EFNA5: variants seen among roughly 807,000 people sequenced by gnomAD.
The protein encoded by EFNA5 is ephrin-A5.
In EFNA5, 5 loss-of-function variants were observed where a neutral mutation model predicts 22.9. The ratio of observed to expected loss-of-function variants is 0.22; its 90% CI spans 0.11 to 0.46. The LOEUF (loss-of-function observed/expected upper bound fraction) is 0.46, where lower values mean the gene tolerates loss of function less well. Ranked by LOEUF, EFNA5 falls within the 20% of genes least tolerant of loss-of-function variation. The pLI is 0.99. For synonymous variants in EFNA5, 113 were observed against 112.2 expected, an observed-to-expected ratio of 1.01 and a Z score of -0.04; for missense variants, 237 against 293.3, an observed-to-expected ratio of 0.81 and a Z score of 1.40.
intron 1 of EFNA5, among the ~76,000 whole-genome samples, chr5:107,569,561 A>ATATT (rs1748744979): frequency 1.0e-4 from 2 of 19,244 alleles, no homozygotes; most frequent in South Asian, 3.6e-3. Context: ...ATATATATTT[A>ATATT]TATATATATA....
chr5:107,558,808 T>TCA (rs1748475710), intron 1 of EFNA5, among the ~76,000 whole-genome samples: 1 of 152,228 alleles, frequency 6.6e-6, no homozygotes, highest in African/African-American at 2.4e-5. Flanking sequence ...CCATATATGT[T>TCA]TAAACATATA....
chr5:107,515,687 T>G (rs1747460628), intron 1 of EFNA5, among the ~76,000 whole-genome samples: 1 of 152,086 alleles, frequency 6.6e-6, no homozygotes, highest in Non-Finnish European at 1.5e-5. Context: ...AGACATGGCT[T>G]TTAAAGTGCT....
chr5:107,421,785 T>C (rs1326874671), intron 2 of EFNA5, among the ~76,000 whole-genome samples: 1 of 141,682 alleles, frequency 7.1e-6, no homozygotes, highest in Non-Finnish European at 1.5e-5. Flanking sequence ...TATCTCCTCA[T>C]TTCTTTCTTT....
At chr5:107,513,029 C>T (rs375101457) in intron 1 of EFNA5, among the ~76,000 whole-genome samples, 10 of 152,150 alleles carry the variant, frequency 6.6e-5, no homozygotes, top group Non-Finnish European at 1.2e-4. Context: ...ACTTACGTAC[C>T]CAGTGGCCAG....
chr5:107,670,560 C>T lies in EFNA5; in HGVS notation c.54G>A (p.Val18=), dbSNP rs1250525138. The T allele has an allele frequency of 6.3e-7, 1 of 1,599,808 alleles. No individual in the cohort carries two copies. The highest frequency in any genetic ancestry group is 8.5e-7 in the Non-Finnish European group (1 of 1,173,368). Reference sequence around the variant, plus strand: ...CCTTGGAGCCCGGGTCCTGGCTGAACACACACATCCAGAGCACCAGAAACA... The same window carrying T: ...CCTTGGAGCCCGGGTCCTGGCTGAATACACACATCCAGAGCACCAGAAACA... ...TLVFLVLWMC[V]FSQDPGSKAV... The change falls in exon 1 of 5, where the codon GTG becomes GTA. Residue 18 remains valine (V), a synonymous_variant. Transcript: ENST00000333274.
At chr5:107,408,577 A>AATT (rs1466448307) in intron 2 of EFNA5, among the ~76,000 whole-genome samples, 1 of 152,186 alleles carries the variant, frequency 6.6e-6, no homozygotes, top group Non-Finnish European at 1.5e-5. Context: ...AACCAACATT[A>AATT]ATTATTTCTT....
chr5:107,670,856 G>T lies in EFNA5; in HGVS notation c.-243C>A. On this transcript the variant is annotated 5_prime_UTR_variant, in exon 1 of 5. Coordinates refer to ENST00000333274, the MANE Select transcript of EFNA5 (RefSeq NM_001962.3). ...AAGACAAACTCGCACCCCCACTGGA[G>T]GGTTCAGGAGGAAAAAGGAATCACA... The T allele has an allele frequency of 2.0e-6, 1 of 505,144 alleles. No individual in the cohort carries two copies. The highest frequency in any genetic ancestry group is 3.5e-6 in the Non-Finnish European group (1 of 286,654). The allele number at this position is 505,144 out of a possible 1,614,324, so 31.3% of individuals were successfully genotyped here. A position where few individuals can be genotyped will look rare whatever the true frequency, so the allele number is the denominator to read the frequency against.
At chr5:107,458,313 T>A (rs753494678) in intron 1 of EFNA5, among the ~76,000 whole-genome samples, 4 of 152,118 alleles carry the variant, frequency 2.6e-5, no homozygotes, top group Non-Finnish European at 4.4e-5. Context: ...GGTACAAGGA[T>A]GAATAGAAAA....
At chr5:107,669,042 G>C (rs1034133455) in intron 1 of EFNA5, among the ~76,000 whole-genome samples, 1 of 152,032 alleles carries the variant, frequency 6.6e-6, no homozygotes, top group Non-Finnish European at 1.5e-5. Context: ...TTGGACTAGC[G>C]GGATAGGGGG....
chr5:107,472,502 C>T (rs1426168938), intron 1 of EFNA5, among the ~76,000 whole-genome samples: 1 of 152,202 alleles, frequency 6.6e-6, no homozygotes, highest in Admixed American at 6.5e-5. Context: ...AATTCTTACA[C>T]TCCTGGCTGC....
intron 1 of EFNA5, among the ~76,000 whole-genome samples, chr5:107,527,063 G>A (rs1747710339): frequency 1.3e-5 from 2 of 151,996 alleles, no homozygotes; most frequent in South Asian, 4.2e-4. Context: ...AAATACCTTT[G>A]TGTTGGGAAA....
chr5:107,494,457 C>T (rs1038899583), intron 1 of EFNA5, among the ~76,000 whole-genome samples: 1 of 152,230 alleles, frequency 6.6e-6, no homozygotes, highest in Non-Finnish European at 1.5e-5. Flanking sequence ...CTTGATTTCT[C>T]GCTGGGCCTT....
intron 1 of EFNA5, among the ~76,000 whole-genome samples, chr5:107,484,584 A>G (rs960689373): frequency 6.6e-5 from 10 of 152,200 alleles, no homozygotes; most frequent in Admixed American, 6.5e-4. Context: ...GACAAACTGT[A>G]TAATTGCCCA....
chr5:107,431,640 T>G (rs751959947), intron 1 of EFNA5, among the ~76,000 whole-genome samples: 20 of 152,148 alleles, frequency 1.3e-4, no homozygotes, highest in Non-Finnish European at 2.6e-4. Context: ...GAACCAAAGC[T>G]CTTCACTTTT....
chr5:107,530,717 G>C (rs1196721582), intron 1 of EFNA5, among the ~76,000 whole-genome samples: 1 of 152,176 alleles, frequency 6.6e-6, no homozygotes, highest in African/African-American at 2.4e-5. Context: ...ATGGCCTCAG[G>C]TAATCTCTTA....
intron 1 of EFNA5, among the ~76,000 whole-genome samples, chr5:107,439,405 AAT>A (rs1028604910): frequency 6.6e-6 from 1 of 152,238 alleles, no homozygotes; most frequent in Non-Finnish European, 1.5e-5. Context: ...TGAGCAGACT[AAT>A]ATGAGCAGTT....
chr5:107,599,569 T>G (rs551628326), intron 1 of EFNA5, among the ~76,000 whole-genome samples: 1 of 152,214 alleles, frequency 6.6e-6, no homozygotes, highest in Non-Finnish European at 1.5e-5. Context: ...ACCTTCTGAA[T>G]GTATTAACTA....
At chr5:107,487,497 A>G (rs1287947237) in intron 1 of EFNA5, among the ~76,000 whole-genome samples, 3 of 152,262 alleles carry the variant, frequency 2.0e-5, no homozygotes, top group Admixed American at 6.5e-5. Context: ...GAAAGAAGGA[A>G]TATCTGCATG....
intron 1 of EFNA5, among the ~76,000 whole-genome samples, chr5:107,602,886 G>A (rs1749632396): frequency 6.6e-6 from 1 of 152,096 alleles, no homozygotes; most frequent in South Asian, 2.1e-4. Context: ...AGAGGCCATG[G>A]GCTTTGGGAT....
Sources: allele counts gnomAD v4.1 joint callset (sites outside exome capture counted in the v4.1 genomes callset), GRCh38; gene constraint gnomAD v4.1.1; transcripts MANE v1.5; gene names NCBI Gene and HGNC (gene_info 2026-07-23, HGNC 2026-07-21).